The following BRI3 variants were observed in gnomAD, a reference collection of about 807,000 sequenced individuals.
BRI3 encodes the protein membrane protein BRI3.
A neutral mutation model predicts 12.8 loss-of-function variants in BRI3; 6 were observed. The observed-to-expected ratio is 0.47, with a 90% CI of 0.26 to 0.93. The LOEUF (loss-of-function observed/expected upper bound fraction) is 0.93, where lower values mean the gene tolerates loss of function less well. Among genes scored for constraint, BRI3 ranks in the 40% least tolerant of loss-of-function variants. BRI3 has a pLI of 0.15. For missense variants in BRI3, 134 were observed against 171.1 expected (o/e 0.78, Z 1.21); for synonymous variants, 91 against 76.1 (o/e 1.20, Z -1.02).
chr7:98,292,156 A>T (rs1024538641), downstream of BRI3: 1 of 157,354 alleles, frequency 6.4e-6, no homozygotes, highest in Admixed American at 6.4e-5. Flanking sequence ...GCTTACCTGC[A>T]TGTAACCTTT....
downstream of BRI3, chr7:98,293,188 AG>A (rs1800042829): frequency 3.4e-6 from 1 of 289,882 alleles, no homozygotes; most frequent in Admixed American, 4.9e-5. Context: ...CTGAAAGCAT[AG>A]ACTATCCCTT....
In BRI3 at chr7:98,282,352, G is replaced by A. The variant is rs14965; in HGVS notation, c.144G>A (p.Gly48=). The change falls in exon 2 of 3, where the codon GGG becomes GGA. Residue 48 remains glycine (G), a splice_region_variant and synonymous_variant. Coordinates refer to ENST00000297290, the MANE Select transcript of BRI3 (RefSeq NM_015379.5). ...AATGACCTGCTTTCCCGCCCACAGGGATACCCACCCACCATCCCAGGGTCT... is the reference window on the plus strand; with the variant it reads ...AATGACCTGCTTTCCCGCCCACAGGAATACCCACCCACCATCCCAGGGTCT... ...PPPPYPYLVT[G]IPTHHPRVYN... 40 of 1,613,422 alleles carry A rather than the reference G, an allele frequency of 2.5e-5. No individual in the cohort carries two copies. The highest frequency in any genetic ancestry group is 3.3e-5 in the Non-Finnish European group (39 of 1,179,526).
the BRI3 span, among the ~76,000 whole-genome samples, chr7:98,317,536 G>A: frequency 6.6e-6 from 1 of 150,720 alleles, no homozygotes; most frequent in African/African-American, 2.4e-5. Context: ...CCTCCTGCTG[G>A]CCGGGGTCCC....
chr7:98,296,166 C>G (rs1173180967), downstream of BRI3, among the ~76,000 whole-genome samples: 3 of 152,210 alleles, frequency 2.0e-5, no homozygotes, highest in East Asian at 5.8e-4. Flanking sequence ...CATCTCTGTG[C>G]CAGGGCTTGG....
upstream of BRI3, chr7:98,306,335 A>T: frequency 7.3e-7 from 1 of 1,361,566 alleles, no homozygotes; most frequent in Non-Finnish European, 1.0e-6. Context: ...ACGAGAGCTG[A>T]GGCTTAGGGC....
At chr7:98,311,954 A>C, downstream of BRI3, 2 of 791,038 alleles carry the variant, frequency 2.5e-6, no homozygotes, top group Non-Finnish European at 2.0e-6. Flanking sequence ...CTTCGCCCCT[A>C]AAGGTAAGGG....
intron 2 of BRI3, chr7:98,282,986 G>A (rs1271506349): frequency 1.3e-5 from 2 of 153,690 alleles, no homozygotes; most frequent in East Asian, 3.8e-4. Context: ...GCTGGACCAG[G>A]ATGGAAACCC....
chr7:98,296,875 C>T (rs1800213770), downstream of BRI3, among the ~76,000 whole-genome samples: 1 of 152,178 alleles, frequency 6.6e-6, no homozygotes, highest in African/African-American at 2.4e-5. Context: ...CTCACAGCAT[C>T]CTCCCTGCGT....
downstream of BRI3, chr7:98,292,827 C>G: frequency 6.8e-7 from 1 of 1,478,358 alleles, no homozygotes; most frequent in East Asian, 2.5e-5. Context: ...GGGCCGTGTG[C>G]AGCGAATCCG....
chr7:98,292,881 T>G, downstream of BRI3: 1 of 1,437,188 alleles, frequency 7.0e-7, no homozygotes, highest in Non-Finnish European at 9.1e-7. Context: ...TCGGAGGAGA[T>G]TTCGTCGAGT....
At position 98,291,148 on chromosome 7, in the gene BRI3, A is replaced by G. The variant is rs1180321193; in HGVS notation, c.283A>G (p.Ile95Val). The G allele has an allele frequency of 6.2e-7, 1 of 1,614,124 alleles. No homozygotes were observed. The highest frequency in any genetic ancestry group is 8.5e-7 in the Non-Finnish European group (1 of 1,180,018). The change falls in exon 3 of 3, where the codon ATC (isoleucine) becomes GTC (valine). Residue 95 changes from isoleucine (I) to valine (V), a missense_variant. Transcript: ENST00000297290. ...VLEDCFTFLG[I>V]FLAIILFPFG... ...GGAGGACTGCTTCACCTTCCTGGGC[A>G]TCTTCCTGGCCATCATCCTCTTCCC... is the stretch of plus-strand genomic sequence containing the variant.
downstream of BRI3, chr7:98,310,545 G>A: frequency 1.3e-6 from 2 of 1,593,136 alleles, no homozygotes; most frequent in Non-Finnish European, 1.7e-6. Flanking sequence ...AAGGAGCGGG[G>A]GGCATCTTTG....
intron 2 of BRI3, among the ~76,000 whole-genome samples, chr7:98,289,168 G>C (rs1799813512): frequency 6.6e-6 from 1 of 152,162 alleles, no homozygotes; most frequent in South Asian, 2.1e-4. Flanking sequence ...ATGTTGACCA[G>C]GCTGGTCTCG....
At chr7:98,321,118 C>G in the BRI3 span, among the ~76,000 whole-genome samples, 1 of 152,120 alleles carries the variant, frequency 6.6e-6, no homozygotes, top group South Asian at 2.1e-4. Flanking sequence ...CTCAGCCTCC[C>G]AAAGTGCTGG....
At chr7:98,312,706 T>C (rs1379525996), downstream of BRI3, among the ~76,000 whole-genome samples, 1 of 152,076 alleles carries the variant, frequency 6.6e-6, no homozygotes, top group East Asian at 1.9e-4. Flanking sequence ...ATTCAGACAT[T>C]AGAGAAGTGA....
chr7:98,319,969 G>A, the BRI3 span: 59 of 1,027,836 alleles, frequency 5.7e-5, 1 homozygote, highest in South Asian at 8.4e-4. Context: ...CCTGTCTGCT[G>A]CTGATGAGTC....
the BRI3 span, among the ~76,000 whole-genome samples, chr7:98,318,603 C>T: frequency 6.6e-6 from 1 of 151,872 alleles, no homozygotes; most frequent in Non-Finnish European, 1.5e-5. Context: ...AACGGACCCG[C>T]GTCAGAATTC....
chr7:98,292,868 C>A, downstream of BRI3: 1 of 1,447,668 alleles, frequency 6.9e-7, no homozygotes, highest in Non-Finnish European at 9.1e-7. Context: ...AGAAAAGGAG[C>A]TCTCGGAGGA....
chr7:98,307,326 G>A, intron 1 of BRI3: 1 of 936,584 alleles, frequency 1.1e-6, no homozygotes, highest in Non-Finnish European at 1.3e-6. Flanking sequence ...GGCTGGTCTG[G>A]AACTCCTAAC....
Sources: allele counts gnomAD v4.1 joint callset (sites outside exome capture counted in the v4.1 genomes callset), GRCh38; gene constraint gnomAD v4.1.1; transcripts MANE v1.5; gene names NCBI Gene and HGNC (gene_info 2026-07-23, HGNC 2026-07-21).